PPP2R1B: variants seen among roughly 807,000 people sequenced by gnomAD.
PPP2R1B encodes protein phosphatase 2 scaffold subunit Abeta, also known as serine/threonine-protein phosphatase 2A 65 kDa regulatory subunit A beta isoform.
A neutral mutation model predicts 72.7 loss-of-function variants in PPP2R1B; 58 were observed. The observed-to-expected ratio is 0.80, with a 90% CI of 0.65 to 0.99. PPP2R1B has a LOEUF of 0.99. Ranked by LOEUF, PPP2R1B falls within the 50% of genes least tolerant of loss-of-function variation. The pLI is 0.00. For missense variants in PPP2R1B, 695 were observed against 733.6 expected (o/e 0.95, Z 0.61); for synonymous variants, 256 against 264.6 (o/e 0.97, Z 0.32).
intron 9 of PPP2R1B, 43 bp from the exon 10 acceptor site, chr11:111,752,375 G>T: frequency 6.5e-7 from 1 of 1,542,446 alleles, no homozygotes; most frequent in Non-Finnish European, 8.8e-7. Flanking sequence ...TAAAAATCAA[G>T]TACTCTGCCC....
At chr11:111,688,815 A>T in the PPP2R1B span, among the ~76,000 whole-genome samples, 1 of 152,250 alleles carries the variant, frequency 6.6e-6, no homozygotes, top group Non-Finnish European at 1.5e-5. This position sits in a 1 kb window ranked among gnomAD's most constrained non-coding sequence, Gnocchi z 4.2. Flanking sequence ...ACAATATGAT[A>T]TGTGGAAATC....
At chr11:111,696,175 A>G in the PPP2R1B span, among the ~76,000 whole-genome samples, 3 of 152,210 alleles carry the variant, frequency 2.0e-5, no homozygotes, top group Admixed American at 1.3e-4. Flanking sequence ...CAGGTGAGAG[A>G]ATATGAATAC....
At chr11:111,751,991 C>T (rs899915240) in intron 10 of PPP2R1B, among the ~76,000 whole-genome samples, 168 bp downstream of exon 10, 5 of 152,190 alleles carry the variant, frequency 3.3e-5, no homozygotes, top group Non-Finnish European at 4.4e-5. Context: ...AGAAAAGAAA[C>T]GTATGCACTA....
intron 5 of PPP2R1B, among the ~76,000 whole-genome samples, chr11:111,758,153 T>G (rs899841100): frequency 1.3e-5 from 2 of 152,238 alleles, no homozygotes; most frequent in Non-Finnish European, 2.9e-5. Flanking sequence ...TTTGGAAAAT[T>G]TTGGTCGAAT....
At chr11:111,764,682 T>C in intron 3 of PPP2R1B, 123 bp downstream of exon 3, 1 of 947,480 alleles carries the variant, frequency 1.1e-6, no homozygotes, top group Non-Finnish European at 1.6e-6. Flanking sequence ...ATGACTAACA[T>C]TATGACTATC....
the PPP2R1B span, among the ~76,000 whole-genome samples, chr11:111,713,525 T>C: frequency 6.6e-6 from 1 of 152,138 alleles, no homozygotes; most frequent in Non-Finnish European, 1.5e-5. Flanking sequence ...TTATAGATAA[T>C]AAATAATGGT....
intron 11 of PPP2R1B, among the ~76,000 whole-genome samples, chr11:111,745,094 C>T (rs1429316970): frequency 7.2e-6 from 1 of 138,236 alleles, no homozygotes; most frequent in African/African-American, 2.7e-5. Flanking sequence ...CTCTGTCTCT[C>T]AGGCTGGAGT....
chr11:111,753,658 GCT>G, intron 8 of PPP2R1B, 81 bp from the exon 9 acceptor site: 2 of 1,419,392 alleles, frequency 1.4e-6, no homozygotes, highest in South Asian at 1.3e-5. Flanking sequence ...ACAGAGTCTT[GCT>G]CTGTTGCCCA....
At chr11:111,756,240 A>C (rs1945115292) in intron 5 of PPP2R1B, among the ~76,000 whole-genome samples, 1 of 151,918 alleles carries the variant, frequency 6.6e-6, no homozygotes, top group African/African-American at 2.4e-5. Context: ...AAAAAAAGAA[A>C]GAGCTGCTCC....
In PPP2R1B at chr11:111,753,426, C is replaced by T. The variant is rs1250396057; in HGVS notation, c.1164+17G>A. ...CAAATTACTATCAAAGGCAACAGAACATAAAGCAAGACCCACCTCATCCTT... is the reference window on the plus strand; with the variant it reads ...CAAATTACTATCAAAGGCAACAGAATATAAAGCAAGACCCACCTCATCCTT... On this transcript the variant is annotated intron_variant, in intron 9 of 14. Coordinates refer to ENST00000527614, the MANE Select transcript of PPP2R1B (RefSeq NM_002716.5). 2 of 1,606,152 alleles carry T rather than the reference C, an allele frequency of 1.2e-6. No individual in the cohort carries two copies. The highest frequency in any genetic ancestry group is 1.7e-5 in the Admixed American group (1 of 57,896).
the PPP2R1B span, among the ~76,000 whole-genome samples, chr11:111,690,248 T>C: frequency 6.6e-6 from 1 of 150,610 alleles, no homozygotes; most frequent in Non-Finnish European, 1.5e-5. Context: ...TGCCCTAAAA[T>C]TGTCTTTTTC....
At chr11:111,727,162 A>C (rs1041578135) in intron 15 of PPP2R1B, 13 of 905,716 alleles carry the variant, frequency 1.4e-5, no homozygotes, top group Non-Finnish European at 2.3e-5. Context: ...CTCTGCCTGC[A>C]CTGCCTTCTG....
At chr11:111,730,425 G>C (rs1298941624) in intron 15 of PPP2R1B, 1 of 152,144 alleles carries the variant, frequency 6.6e-6, no homozygotes, top group East Asian at 1.9e-4. Context: ...CTTCACTTCG[G>C]GGACTGCAGT....
At position 111,741,139 on chromosome 11, in the gene PPP2R1B, G is replaced by C; in HGVS notation, c.*457C>G. The C allele has an allele frequency of 1.0e-6, 1 of 988,868 alleles. No homozygotes were observed. The highest frequency in any genetic ancestry group is 1.2e-6 in the Non-Finnish European group (1 of 831,852). 61.3% of individuals were successfully genotyped at this position (988,868 alleles called of 1,614,324 possible). A position where few individuals can be genotyped will look rare whatever the true frequency, so the allele number is the denominator to read the frequency against. ...GTCAAATCTCAACATGTCTCCCGAA[G>C]AGTTTATAAAATAAGTTATTCTAAA... On this transcript the variant is annotated 3_prime_UTR_variant, in exon 15 of 15. Coordinates refer to ENST00000527614, the MANE Select transcript of PPP2R1B (RefSeq NM_002716.5).
chr11:111,716,550 C>T, the PPP2R1B span, among the ~76,000 whole-genome samples: 35 of 151,868 alleles, frequency 2.3e-4, no homozygotes, highest in Non-Finnish European at 3.4e-4. Context: ...GCGCTCCAGC[C>T]TGGGCGACAG....
the PPP2R1B span, chr11:111,720,868 TA>T: frequency 2.5e-6 from 4 of 1,608,012 alleles, no homozygotes; most frequent in Non-Finnish European, 2.5e-6. Flanking sequence ...GTATTTTAGT[TA>T]AACTGTTTGG....
At chr11:111,706,597 A>G in the PPP2R1B span, among the ~76,000 whole-genome samples, 1 of 152,208 alleles carries the variant, frequency 6.6e-6, no homozygotes, top group Non-Finnish European at 1.5e-5. Context: ...GTATGTTTTA[A>G]AAAAGGGAAT....
chr11:111,749,203 C>T (rs1413482596), intron 10 of PPP2R1B, among the ~76,000 whole-genome samples: 3 of 152,104 alleles, frequency 2.0e-5, no homozygotes, highest in South Asian at 2.1e-4. Flanking sequence ...ACTTAGATTA[C>T]GTCAGCCAAG....
At chr11:111,725,025 G>T (rs75142829), downstream of PPP2R1B, 1 of 152,574 alleles carries the variant, frequency 6.6e-6, no homozygotes, top group African/African-American at 2.4e-5. Context: ...TCTCTTTTCC[G>T]ATGTAATAAC....
Sources: allele counts gnomAD v4.1 joint callset (sites outside exome capture counted in the v4.1 genomes callset), GRCh38; gene constraint gnomAD v4.1.1; non-coding constraint Gnocchi (gnomAD v3.1); transcripts MANE v1.5; gene names NCBI Gene and HGNC (gene_info 2026-07-23, HGNC 2026-07-21).